The following UBE2L3 variants were observed in gnomAD, a reference collection of about 807,000 sequenced individuals.
The protein encoded by UBE2L3 is ubiquitin conjugating enzyme E2 L3.
In UBE2L3, 1 loss-of-function variant was observed where a neutral mutation model predicts 17.8. That is an observed-to-expected ratio of 0.06 (90% CI 0.02 to 0.27). UBE2L3 has a LOEUF of 0.27. Among genes scored for constraint, UBE2L3 ranks in the 10% least tolerant of loss-of-function variants. The pLI, the probability that UBE2L3 is intolerant of heterozygous loss-of-function variation, is 1.00. For synonymous variants in UBE2L3, 44 were observed against 68.5 expected, an observed-to-expected ratio of 0.64 and a Z score of 1.76; for missense variants, 40 against 192.6, an observed-to-expected ratio of 0.21 and a Z score of 4.69.
At chr22:21,614,238 C>G (rs1344323206) in intron 3 of UBE2L3, among the ~76,000 whole-genome samples, 1 of 152,200 alleles carries the variant, frequency 6.6e-6, no homozygotes, top group African/African-American at 2.4e-5. Flanking sequence ...TCCTGCAAAG[C>G]CTGCCTTTTT....
At chr22:21,584,006 G>T (rs1473871120) in intron 1 of UBE2L3, among the ~76,000 whole-genome samples, 1 of 152,056 alleles carries the variant, frequency 6.6e-6, no homozygotes, top group Non-Finnish European at 1.5e-5. Context: ...CTCCTGAGTA[G>T]CTGGGATTAC....
chr22:21,587,396 GTC>G (rs1287034254), intron 1 of UBE2L3, among the ~76,000 whole-genome samples: 1 of 151,610 alleles, frequency 6.6e-6, no homozygotes, highest in Admixed American at 6.6e-5. Flanking sequence ...TCACCATGTG[GTC>G]TCGATCTCCT....
chr22:21,608,741 A>ATTTTTTT (rs779049247), intron 2 of UBE2L3, among the ~76,000 whole-genome samples: 34 of 109,840 alleles, frequency 3.1e-4, no homozygotes, highest in Non-Finnish European at 4.2e-4. Flanking sequence ...AATATATTTA[A>ATTTTTTT]TTTTTTTTTT....
At chr22:21,620,490 G>C (rs1929991234) in intron 3 of UBE2L3, among the ~76,000 whole-genome samples, 1 of 152,110 alleles carries the variant, frequency 6.6e-6, no homozygotes, top group Non-Finnish European at 1.5e-5. Flanking sequence ...TTTTACAGTG[G>C]GAAGGAACAT....
At position 21,617,151 on chromosome 22, in the gene UBE2L3, A is replaced by AC. The variant is rs1411513037; in HGVS notation, c.311-4364_311-4363insC. Among the ~76,000 whole-genome samples the AC allele has an allele frequency of 2.0e-5, 3 of 151,794 alleles. No individual in the cohort carries two copies. In the South Asian group the frequency reaches 6.2e-4, roughly 32 times the overall value. The stretch of plus-strand genomic sequence containing the variant: ...CAGAGCGAAACTCTGTCTTAAAAAA[A>AC]AAAAAAAAAAAAGAAAAGGAACAAA... On this transcript the variant is annotated intron_variant, in intron 3 of 3. Coordinates refer to ENST00000342192, the MANE Select transcript of UBE2L3 (RefSeq NM_003347.4).
chr22:21,566,361 A>G (rs969973452), upstream of UBE2L3, among the ~76,000 whole-genome samples: 2 of 151,376 alleles, frequency 1.3e-5, no homozygotes, highest in Admixed American at 6.6e-5. Flanking sequence ...CGGCGGGAGG[A>G]CTGCTTGAGC....
At chr22:21,602,183 C>T (rs466138) in intron 2 of UBE2L3, among the ~76,000 whole-genome samples, 5,966 of 152,166 alleles carry the variant, frequency 0.039, 186 homozygotes, top group Middle Eastern at 0.17. Context: ...GCTGTGGAGT[C>T]GCCACCAAGC....
intron 1 of UBE2L3, among the ~76,000 whole-genome samples, chr22:21,588,620 C>T (rs561890241): frequency 2.0e-5 from 3 of 151,592 alleles, no homozygotes; most frequent in Non-Finnish European, 4.4e-5. Context: ...GCTGGGACCA[C>T]AGGCATGTAC....
intron 1 of UBE2L3, among the ~76,000 whole-genome samples, chr22:21,561,018 AAGG>A (rs1926412666): frequency 6.6e-6 from 1 of 152,254 alleles, no homozygotes; most frequent in Non-Finnish European, 1.5e-5. Context: ...AAGAGAGAAG[AAGG>A]AGGATAGAAA....
At chr22:21,594,965 T>C (rs1928439376) in intron 2 of UBE2L3, among the ~76,000 whole-genome samples, 1 of 152,258 alleles carries the variant, frequency 6.6e-6, no homozygotes, top group Non-Finnish European at 1.5e-5. Context: ...TTTAGTGGCC[T>C]GAGAGCCTGC....
chr22:21,620,547 G>T (rs956492324), intron 3 of UBE2L3, among the ~76,000 whole-genome samples: 1 of 152,156 alleles, frequency 6.6e-6, no homozygotes, highest in Non-Finnish European at 1.5e-5. Context: ...CTGTGGCAAA[G>T]TATGTGAGGA....
intron 1 of UBE2L3, among the ~76,000 whole-genome samples, chr22:21,578,972 T>TA (rs1478312128): frequency 6.9e-6 from 1 of 145,334 alleles, no homozygotes; most frequent in African/African-American, 2.7e-5. Context: ...ATTATTTATT[T>TA]ATTTATTTAT....
intron 3 of UBE2L3, among the ~76,000 whole-genome samples, chr22:21,618,716 G>A (rs994635423): frequency 6.6e-6 from 1 of 151,980 alleles, no homozygotes; most frequent in Non-Finnish European, 1.5e-5. Context: ...GCCTCCCAAG[G>A]AGCTGGGACT....
chr22:21,580,541 C>G (rs2148409971), intron 1 of UBE2L3, among the ~76,000 whole-genome samples: 1 of 151,990 alleles, frequency 6.6e-6, no homozygotes, highest in South Asian at 2.1e-4. Context: ...CCTCTGCCTC[C>G]TGAGTTAAAG....
chr22:21,619,532 C>T (rs749328944), intron 3 of UBE2L3, among the ~76,000 whole-genome samples: 12 of 152,222 alleles, frequency 7.9e-5, no homozygotes, highest in Admixed American at 2.0e-4. Context: ...GTCACAGGAG[C>T]CCTCTCTTTC....
At chr22:21,560,693 T>C (rs1926402998) in intron 1 of UBE2L3, among the ~76,000 whole-genome samples, 1 of 150,904 alleles carries the variant, frequency 6.6e-6, no homozygotes, top group Admixed American at 6.6e-5. Context: ...TCAGGTGATC[T>C]GCCCACCTCA....
At chr22:21,595,887 T>A (rs1928491924) in intron 2 of UBE2L3, among the ~76,000 whole-genome samples, 1 of 152,104 alleles carries the variant, frequency 6.6e-6, no homozygotes, top group Admixed American at 6.5e-5. Context: ...TTTTTTCTTT[T>A]TAATTGAGTT....
intron 1 of UBE2L3, among the ~76,000 whole-genome samples, chr22:21,568,788 G>A (rs1171919922): frequency 1.3e-5 from 2 of 152,080 alleles, no homozygotes; most frequent in African/African-American, 4.8e-5. Context: ...AAAGAGCTGG[G>A]GTTCGTTCTA....
At chr22:21,561,370 G>A (rs1926424582) in intron 1 of UBE2L3, among the ~76,000 whole-genome samples, 1 of 152,302 alleles carries the variant, frequency 6.6e-6, no homozygotes, top group Non-Finnish European at 1.5e-5. Flanking sequence ...GAGTCCATGA[G>A]TTACAGACCA....
Sources: gnomAD v4.1 joint callset for allele counts (sites outside exome capture counted in the v4.1 genomes callset) on GRCh38, gnomAD v4.1.1 for gene constraint, MANE v1.5 for transcripts, NCBI Gene and HGNC (gene_info 2026-07-23, HGNC 2026-07-21) for gene names.